PLAG1: variants seen among roughly 807,000 people sequenced by gnomAD.
PLAG1 encodes the protein PLAG1 zinc finger.
A neutral mutation model predicts 35.5 loss-of-function variants in PLAG1; 7 were observed. The observed-to-expected ratio is 0.20, with a 90% CI of 0.11 to 0.37. The LOEUF (loss-of-function observed/expected upper bound fraction) is 0.37, where lower values mean the gene tolerates loss of function less well. Ranked by LOEUF, PLAG1 falls within the 10% of genes least tolerant of loss-of-function variation. The pLI is 1.00. For missense variants in PLAG1, 454 were observed against 602.8 expected (o/e 0.75, Z 2.58); for synonymous variants, 229 against 225.4 (o/e 1.02, Z -0.14).
chr8:56,164,425 T>G lies in PLAG1; in HGVS notation c.*1818A>C, dbSNP rs1811294567. 1 of 218,184 alleles carries G rather than the reference T, an allele frequency of 4.6e-6. No individual in the cohort carries two copies. Among genetic ancestry groups the G allele is most frequent in the Non-Finnish European group, 9.2e-6 (1 of 108,260 alleles). The allele number at this position is 218,184 out of a possible 1,614,324, so 13.5% of individuals were successfully genotyped here. A position where few individuals can be genotyped will look rare whatever the true frequency, so the allele number is the denominator to read the frequency against. Reference sequence around the variant, plus strand: ...TACTACTCCCAAATATTTTAAATAATGTATTATATTCAGTAATCTGCACTC... The same window carrying G: ...TACTACTCCCAAATATTTTAAATAAGGTATTATATTCAGTAATCTGCACTC... On this transcript the variant is annotated 3_prime_UTR_variant, in exon 5 of 5. Transcript: ENST00000316981.
chr8:56,176,333 G>A (rs1265006925), intron 2 of PLAG1, among the ~76,000 whole-genome samples: 3 of 146,930 alleles, frequency 2.0e-5, no homozygotes, highest in African/African-American at 2.5e-5. Context: ...GATTACAGGC[G>A]TGAGCCACCA....
intron 1 of PLAG1, among the ~76,000 whole-genome samples, chr8:56,190,093 A>G (rs1366972071): frequency 6.6e-6 from 1 of 152,200 alleles, no homozygotes; most frequent in Non-Finnish European, 1.5e-5. Flanking sequence ...ATCTTTCTTC[A>G]GTTTCAGTTT....
chr8:56,178,255 T>TA (rs200404204), intron 2 of PLAG1, among the ~76,000 whole-genome samples: 1,569 of 151,840 alleles, frequency 0.01, 12 homozygotes, highest in South Asian at 0.03. Context: ...TATAGGAGAA[T>TA]AAAAAAGGAG....
Position 56,162,345 on chromosome 8 carries a change from T to C in PLAG1, c.*3898A>G, listed in dbSNP as rs899984790. 3 of 226,722 alleles carry C rather than the reference T, an allele frequency of 1.3e-5. No homozygotes were observed. The highest frequency in any genetic ancestry group is 1.8e-5 in the Non-Finnish European group (2 of 113,752). 14.0% of individuals were successfully genotyped at this position (226,722 alleles called of 1,614,324 possible). A position where few individuals can be genotyped will look rare whatever the true frequency, so the allele number is the denominator to read the frequency against. On this transcript the variant is annotated 3_prime_UTR_variant, in exon 5 of 5. Transcript: ENST00000316981. Reference sequence around the variant, plus strand: ...TTACGTACTGGGAAGACAGTGTGCTTTGAGACACGTAAACCTTGTAAAAAA... The same window carrying C: ...TTACGTACTGGGAAGACAGTGTGCTCTGAGACACGTAAACCTTGTAAAAAA...
rs566217755 is a variant in PLAG1, at chr8:56,162,927, A to G, written c.*3316T>C. 1.4e-3 allele frequency: 301 copies of G among 215,926 alleles called. 4 individuals carry two copies. Among genetic ancestry groups the G allele is most frequent in the Non-Finnish European group, 1.6e-3 (174 of 106,756 alleles). 13.4% of individuals were successfully genotyped at this position (215,926 alleles called of 1,614,324 possible). A position where few individuals can be genotyped will look rare whatever the true frequency, so the allele number is the denominator to read the frequency against. On this transcript the variant is annotated 3_prime_UTR_variant, in exon 5 of 5. Transcript: ENST00000316981. ...AAAGAAACACTAAATGAAATAAAAA[A>G]GTTGCACACAGAGTGATGCATAATC...
intron 1 of PLAG1, among the ~76,000 whole-genome samples, chr8:56,194,254 T>A (rs1585813360): frequency 6.7e-6 from 1 of 149,492 alleles, no homozygotes; most frequent in Non-Finnish European, 1.5e-5. Context: ...GATGCGGAGG[T>A]TGCAGTAAGC....
rs946190565 is a variant in PLAG1, at chr8:56,164,334, G to T, written c.*1909C>A. The T allele has an allele frequency of 1.4e-5, 3 of 219,430 alleles. No individual in the cohort carries two copies. Among genetic ancestry groups the T allele is most frequent in the African/African-American group, 6.7e-5 (3 of 44,622 alleles). 13.6% of individuals were successfully genotyped at this position (219,430 alleles called of 1,614,324 possible). On this transcript the variant is annotated 3_prime_UTR_variant, in exon 5 of 5. Coordinates refer to ENST00000316981, the MANE Select transcript of PLAG1 (RefSeq NM_002655.3). ...GGTATGTGTGCATGTGTGTGTGTGT[G>T]TGTATTATATATATATATTGAAGCC...
intron 1 of PLAG1, among the ~76,000 whole-genome samples, chr8:56,183,058 A>G (rs1330080420): frequency 1.3e-5 from 2 of 152,196 alleles, no homozygotes; most frequent in Admixed American, 6.5e-5. Context: ...TGGCTAGGGG[A>G]AAAATATTTG....
chr8:56,191,655 G>A lies in PLAG1; in HGVS notation c.-321-12142C>T, dbSNP rs189592167. Reference sequence around the variant, plus strand: ...TTTTAAAGGCAAATTGTTGGGTAATGTGAATAATTACTCCCTTAATTTATC... The same window carrying A: ...TTTTAAAGGCAAATTGTTGGGTAATATGAATAATTACTCCCTTAATTTATC... On this transcript the variant is annotated intron_variant, in intron 1 of 4. Transcript: ENST00000316981. Among the ~76,000 whole-genome samples, 6 of 151,894 alleles carry A rather than the reference G, an allele frequency of 4.0e-5. 1 individual carries two copies. The highest frequency in any genetic ancestry group is 1.4e-4 in the African/African-American group (6 of 41,438).
intron 1 of PLAG1, among the ~76,000 whole-genome samples, chr8:56,191,808 GA>G (rs111540638): frequency 0.069 from 7,665 of 110,600 alleles, 390 homozygotes; most frequent in African/African-American, 0.17. Context: ...TAAAACACAG[GA>G]AAAAAAAAAA....
chr8:56,187,905 C>A (rs1812069659), intron 1 of PLAG1, among the ~76,000 whole-genome samples: 1 of 152,112 alleles, frequency 6.6e-6, no homozygotes, highest in Admixed American at 6.6e-5. Flanking sequence ...AACTGATCCA[C>A]CGGAAGCCAG....
At chr8:56,194,151 T>TA (rs994183996) in intron 1 of PLAG1, among the ~76,000 whole-genome samples, 87 of 151,744 alleles carry the variant, frequency 5.7e-4, no homozygotes, top group African/African-American at 1.9e-3. Flanking sequence ...CCATCTCTAC[T>TA]AAAAAAATAC....
chr8:56,200,574 G>A lies in PLAG1; in HGVS notation c.-322+10547C>T, dbSNP rs1468775172. On this transcript the variant is annotated intron_variant, in intron 1 of 4. Coordinates refer to ENST00000316981, the MANE Select transcript of PLAG1 (RefSeq NM_002655.3). ...GCTACAATGCCTTCCGCAGCACATA[G>A]TGCACATTCCTCAGGCTGGTAATAA... Among the ~76,000 whole-genome samples the A allele has an allele frequency of 5.9e-5, 9 of 152,280 alleles. No individual in the cohort carries two copies. The East Asian group carries it at 1.7e-3, about 29-fold the overall frequency.
At chr8:56,185,815 A>G (rs565983570) in intron 1 of PLAG1, among the ~76,000 whole-genome samples, 30 of 152,356 alleles carry the variant, frequency 2.0e-4, no homozygotes, top group African/African-American at 7.2e-4. Context: ...CATTTATCAA[A>G]TACCAAAGGA....
chr8:56,187,499 T>C lies in PLAG1; in HGVS notation c.-321-7986A>G, dbSNP rs577390446. On this transcript the variant is annotated intron_variant, in intron 1 of 4. Coordinates refer to ENST00000316981, the MANE Select transcript of PLAG1 (RefSeq NM_002655.3). The stretch of plus-strand genomic sequence containing the variant: ...CTCTTCAGCATTTTCCTCTGTAGGA[T>C]GGGAAAAACATCTACCTTGCAGTAG... Among the ~76,000 whole-genome samples, 71 of 152,276 alleles carry C rather than the reference T, an allele frequency of 4.7e-4. 1 individual carries two copies. Among genetic ancestry groups the C allele is most frequent in the African/African-American group, 1.7e-3 (69 of 41,534 alleles).
At chr8:56,195,071 A>G (rs1169323103) in intron 1 of PLAG1, among the ~76,000 whole-genome samples, 1 of 152,154 alleles carries the variant, frequency 6.6e-6, no homozygotes, top group Non-Finnish European at 1.5e-5. Context: ...GGGTAAAGTT[A>G]CCTAATGACT....
In PLAG1 at chr8:56,166,344, T is replaced by G; in HGVS notation, c.1402A>C (p.Asn468His). The change falls in exon 5 of 5, where the codon AAC becomes CAC. Residue 468 changes from asparagine (N) to histidine (H), a missense_variant. Asn to His is a moderately conservative substitution (Grantham distance 68). Transcript: ENST00000316981. ...TGCAGAGACCCAAGCCCTATAGTGTTTGCAGGATCCTGAAGATCCTGTGTT... is the reference window on the plus strand; with the variant it reads ...TGCAGAGACCCAAGCCCTATAGTGTGTGCAGGATCCTGAAGATCCTGTGTT... ...PQTQDLQDPA[N>H]TIGLGSLHSL... 1 of 1,613,772 alleles carries G rather than the reference T, an allele frequency of 6.2e-7. No individual in the cohort carries two copies. Among genetic ancestry groups the G allele is most frequent in the Non-Finnish European group, 8.5e-7 (1 of 1,179,746 alleles).
At chr8:56,193,818 C>A (rs975721336) in intron 1 of PLAG1, among the ~76,000 whole-genome samples, 14 of 151,858 alleles carry the variant, frequency 9.2e-5, no homozygotes, top group African/African-American at 3.4e-4. Context: ...CTGCCTCAGC[C>A]TCCCAAATAG....
chr8:56,175,921 G>A (rs184355049), intron 2 of PLAG1, among the ~76,000 whole-genome samples: 4 of 152,184 alleles, frequency 2.6e-5, no homozygotes, highest in African/African-American at 4.8e-5. Flanking sequence ...CAATGAAGAA[G>A]GAGTATCAAG....
Sources: allele counts gnomAD v4.1 joint callset (sites outside exome capture counted in the v4.1 genomes callset), GRCh38; gene constraint gnomAD v4.1.1; transcripts MANE v1.5; gene names NCBI Gene and HGNC (gene_info 2026-07-23, HGNC 2026-07-21).